The following DNAJC13 variants were observed in gnomAD, a reference collection of about 807,000 sequenced individuals.
DNAJC13 encodes the protein DnaJ heat shock protein family (Hsp40) member C13, also known as dnaJ homolog subfamily C member 13.
DNAJC13 carries 75 observed loss-of-function variants against 290.5 expected under a neutral mutation model. The observed-to-expected ratio is 0.26, with a 90% CI of 0.21 to 0.31. DNAJC13 has a LOEUF of 0.31. Among genes scored for constraint, DNAJC13 ranks in the 10% least tolerant of loss-of-function variants. DNAJC13 has a pLI of 1.00. For synonymous variants in DNAJC13, 862 were observed against 892.0 expected, an observed-to-expected ratio of 0.97 and a Z score of 0.60; for missense variants, 2,260 against 2,674.5, an observed-to-expected ratio of 0.85 and a Z score of 3.42.
chr3:132,538,313 G>A lies in DNAJC13; in HGVS notation c.*31G>A, dbSNP rs781472945. ...TCACGAGAGACAATAAACGCTGAAA[G>A]GCCAGTGCCAAGTCCACATTCCTCC... On this transcript the variant is annotated 3_prime_UTR_variant, in exon 56 of 56. Transcript: ENST00000260818. 3.8e-6 allele frequency: 6 copies of A among 1,577,070 alleles called. No individual in the cohort carries two copies. The highest frequency in any genetic ancestry group is 2.2e-5 in the South Asian group (2 of 89,504).
At chr3:132,501,155 T>G (rs1047074932) in intron 39 of DNAJC13, among the ~76,000 whole-genome samples, 1 of 152,136 alleles carries the variant, frequency 6.6e-6, no homozygotes, top group Non-Finnish European at 1.5e-5. Flanking sequence ...ATCTGAACAT[T>G]AGAATGAGTG....
At chr3:132,430,219 A>G (rs1279555573) in intron 1 of DNAJC13, among the ~76,000 whole-genome samples, 2 of 152,080 alleles carry the variant, frequency 1.3e-5, no homozygotes, top group East Asian at 3.9e-4. Flanking sequence ...TCTTGATGTA[A>G]AGTTATTTAA....
rs1936405264 is a variant in DNAJC13, at chr3:132,531,189, A to G, written c.6625+92A>G. The G allele has an allele frequency of 2.8e-6, 3 of 1,060,942 alleles. No individual in the cohort carries two copies. In the Admixed American group the frequency reaches 5.6e-5, roughly 20 times the overall value. The allele number at this position is 1,060,942 out of a possible 1,614,324, so 65.7% of individuals were successfully genotyped here. ...TAAATAGACTTAAAATTGTGTTCAG[A>G]GTGTTTCTTAGGCTACCAGCTGACC... is the stretch of plus-strand genomic sequence containing the variant. On this transcript the variant is annotated intron_variant, in intron 55 of 55. Coordinates refer to ENST00000260818, the MANE Select transcript of DNAJC13 (RefSeq NM_015268.4).
intron 1 of DNAJC13, among the ~76,000 whole-genome samples, chr3:132,425,728 A>G (rs1218443566): frequency 3.3e-5 from 5 of 152,202 alleles, no homozygotes; most frequent in South Asian, 2.1e-4. Flanking sequence ...TAGCCTGATT[A>G]ATGCCAATCC....
intron 2 of DNAJC13, among the ~76,000 whole-genome samples, chr3:132,445,370 T>TA (rs1470423264): frequency 6.6e-6 from 1 of 152,166 alleles, no homozygotes; most frequent in South Asian, 2.1e-4. Flanking sequence ...ATTACTATTT[T>TA]AAAATGCGAC....
chr3:132,449,080 A>G (rs939126000), intron 5 of DNAJC13, among the ~76,000 whole-genome samples: 10 of 152,168 alleles, frequency 6.6e-5, no homozygotes, highest in African/African-American at 1.9e-4. Context: ...GATTGCCCAA[A>G]GGATAGTTTA....
intron 24 of DNAJC13, 116 bp downstream of exon 24, chr3:132,478,256 T>G (rs1934539883): frequency 1.1e-6 from 1 of 874,732 alleles, no homozygotes. Context: ...CTTTCTGCAT[T>G]CATTTTTCTG....
Position 132,490,883 on chromosome 3 carries a change from G to A in DNAJC13, c.3469-14G>A. On this transcript the variant is annotated splice_polypyrimidine_tract_variant and intron_variant, in intron 31 of 55. Transcript: ENST00000260818. Reference sequence around the variant, plus strand: ...AGTGTTTTTGACTACCTTTTGTTTTGTTTTGTTTTGAAGACAAAAGGACAA... The same window carrying A: ...AGTGTTTTTGACTACCTTTTGTTTTATTTTGTTTTGAAGACAAAAGGACAA... 1.3e-6 allele frequency: 2 copies of A among 1,543,830 alleles called. No individual in the cohort carries two copies. Among genetic ancestry groups the A allele is most frequent in the Non-Finnish European group, 1.7e-6 (2 of 1,149,158 alleles).
chr3:132,492,469 C>A lies in DNAJC13; in HGVS notation c.3679C>A (p.Gln1227Lys). The A allele has an allele frequency of 6.2e-7, 1 of 1,613,854 alleles. No individual in the cohort carries two copies. Among genetic ancestry groups the A allele is most frequent in the Non-Finnish European group, 8.5e-7 (1 of 1,179,852 alleles). The change falls in exon 33 of 56, where the codon CAG becomes AAG. Residue 1227 changes from glutamine (Q) to lysine (K), a missense_variant. By Grantham distance (53) the Gln-to-Lys change is moderately conservative. Coordinates refer to ENST00000260818, the MANE Select transcript of DNAJC13 (RefSeq NM_015268.4). ...TCTCGCGGATTTCACACCTCGTCTT[C>A]AGAGTAACACAAGAGCACTTTATCA... ...AHLADFTPRLQSNTRALYQYC... is the reference protein window; with the variant it reads ...AHLADFTPRLKSNTRALYQYC...
At chr3:132,482,542 A>T (rs1192165002) in intron 27 of DNAJC13, among the ~76,000 whole-genome samples, 3 of 152,224 alleles carry the variant, frequency 2.0e-5, no homozygotes. Context: ...AGCTGTTGTT[A>T]TGGAGATAGC....
intron 48 of DNAJC13, among the ~76,000 whole-genome samples, chr3:132,518,382 G>A (rs1194818906): frequency 7.2e-5 from 11 of 152,146 alleles, no homozygotes; most frequent in African/African-American, 2.7e-4. Context: ...GACAAGGTCT[G>A]GCTCTGTTGC....
rs1936663761 is a variant in DNAJC13, at chr3:132,538,413, A to G, written c.*131A>G. 1.5e-6 allele frequency: 1 copy of G among 662,778 alleles called. No individual in the cohort carries two copies. Among genetic ancestry groups the G allele is most frequent in the Non-Finnish European group, 2.4e-6 (1 of 410,816 alleles). The allele number at this position is 662,778 out of a possible 1,614,324, so 41.1% of individuals were successfully genotyped here. A position where few individuals can be genotyped will look rare whatever the true frequency, so the allele number is the denominator to read the frequency against. On this transcript the variant is annotated 3_prime_UTR_variant, in exon 56 of 56. Transcript: ENST00000260818. ...CAGTGTTATTCCTTTTTCTATAAAT[A>G]TATTTTTAGGAAAAAAAGTCAGTGA...
At chr3:132,522,706 TTA>T in intron 48 of DNAJC13, 120 bp from the exon 49 acceptor site, 2 of 798,588 alleles carry the variant, frequency 2.5e-6, no homozygotes, top group Non-Finnish European at 3.9e-6. Context: ...TAGGTAATGG[TTA>T]TGGCCCACAT....
At chr3:132,448,068 C>A in intron 5 of DNAJC13, 129 bp downstream of exon 5, 1 of 598,272 alleles carries the variant, frequency 1.7e-6, no homozygotes, top group Non-Finnish European at 2.9e-6. Context: ...ATTGTAATGT[C>A]TCCTGATATC....
rs556752918 is a variant in DNAJC13 at position 132,456,240 on chromosome 3, C to T, written c.938C>T (p.Ser313Phe). ...VRKYSSTERD[S>F]LLASLLDGVR... ...TTACTTTTAATCTTACTTAGAGATT[C>T]CTTATTAGCAAGTTTGCTGGATGGA... The change falls in exon 10 of 56, where the codon TCC becomes TTC. Residue 313 changes from serine to phenylalanine, a missense_variant. Transcript: ENST00000260818. The T allele has an allele frequency of 5.0e-6, 8 of 1,610,370 alleles. No individual in the cohort carries two copies. The South Asian group carries it at 8.9e-5, about 18-fold the overall frequency.
rs989785673 is a variant in DNAJC13 at position 132,453,216 on chromosome 3, A to G, written c.538-82A>G. ...TTTTTTCTCTAGAATTGCTACTTTA[A>G]TACCTTTCCTATGAGTTGATTAGCT... On this transcript the variant is annotated intron_variant, in intron 6 of 55. Transcript: ENST00000260818. 1.1e-5 allele frequency: 15 copies of G among 1,304,532 alleles called. No homozygotes were observed. The Admixed American group carries it at 3.3e-4, about 29-fold the overall frequency. The allele number at this position is 1,304,532 out of a possible 1,614,324, so 80.8% of individuals were successfully genotyped here.
At chr3:132,527,936 T>C (rs559066294) in intron 53 of DNAJC13, among the ~76,000 whole-genome samples, 3 of 152,296 alleles carry the variant, frequency 2.0e-5, no homozygotes, top group Non-Finnish European at 4.4e-5. Context: ...CCCAGCTCTG[T>C]GATTATGAAC....
intron 36 of DNAJC13, among the ~76,000 whole-genome samples, chr3:132,497,508 G>A (rs1400999850): frequency 1.3e-5 from 2 of 152,206 alleles, no homozygotes; most frequent in Non-Finnish European, 2.9e-5. Context: ...TTAAGTATTG[G>A]AGGGGACAAC....
rs1933513229 is a variant in DNAJC13 at position 132,454,236 on chromosome 3, T to C, written c.932+79T>C. ...TGGTCAACAAGGAAAACCAAAGATA[T>C]GTAGTCTAGAAATTTAAAATCATTT... is the stretch of plus-strand genomic sequence containing the variant. On this transcript the variant is annotated intron_variant, in intron 9 of 55. Coordinates refer to ENST00000260818, the MANE Select transcript of DNAJC13 (RefSeq NM_015268.4). 5 of 965,050 alleles carry C rather than the reference T, an allele frequency of 5.2e-6. No individual in the cohort carries two copies. The Admixed American group carries it at 7.9e-5, about 15-fold the overall frequency. 59.8% of individuals were successfully genotyped at this position (965,050 alleles called of 1,614,324 possible).
Sources: allele counts gnomAD v4.1 joint callset (sites outside exome capture counted in the v4.1 genomes callset), GRCh38; gene constraint gnomAD v4.1.1; transcripts MANE v1.5; gene names NCBI Gene and HGNC (gene_info 2026-07-23, HGNC 2026-07-21).